NR3C2: variants seen among roughly 807,000 people sequenced by gnomAD.
NR3C2 encodes mineralocorticoid receptor.
NR3C2 carries 15 observed loss-of-function variants against 86.4 expected under a neutral mutation model. The observed-to-expected ratio is 0.17, with a 90% CI of 0.12 to 0.27. NR3C2 has a LOEUF of 0.27. Ranked by LOEUF, NR3C2 falls within the 10% of genes least tolerant of loss-of-function variation. The pLI, the probability that NR3C2 is intolerant of heterozygous loss-of-function variation, is 1.00. For missense variants in NR3C2, 960 were observed against 1,195.6 expected (o/e 0.80, Z 2.91); for synonymous variants, 458 against 450.5 (o/e 1.02, Z -0.21).
At chr4:148,100,778 C>A (rs1731500652) in intron 8 of NR3C2, among the ~76,000 whole-genome samples, 1 of 152,224 alleles carries the variant, frequency 6.6e-6, no homozygotes, top group South Asian at 2.1e-4. Context: ...ATGTTCATAG[C>A]AGCACTATTC....
chr4:148,362,617 A>C (rs1337350765), intron 2 of NR3C2, among the ~76,000 whole-genome samples: 1 of 152,138 alleles, frequency 6.6e-6, no homozygotes, highest in African/African-American at 2.4e-5. Flanking sequence ...AGTTATAGGG[A>C]CTGTGTGCCG....
chr4:148,081,063 G>GAGTT lies in NR3C2; in HGVS notation c.*277_*280dup, dbSNP rs1578858854. On this transcript the variant is annotated 3_prime_UTR_variant, in exon 9 of 9. Coordinates refer to ENST00000358102, the MANE Select transcript of NR3C2 (RefSeq NM_000901.5). ...TCCATCTGTGAAAATATCAAAATCAGAGTTATTGACTAGATATGGCTTTTC... is the reference window on the plus strand; with the variant it reads ...TCCATCTGTGAAAATATCAAAATCAGAGTTAGTTATTGACTAGATATGGCTTTTC... 2 of 458,058 alleles carry GAGTT rather than the reference G, an allele frequency of 4.4e-6. No individual in the cohort carries two copies. Among genetic ancestry groups the GAGTT allele is most frequent in the South Asian group, 2.1e-5 (1 of 46,738 alleles). 28.4% of individuals were successfully genotyped at this position (458,058 alleles called of 1,614,324 possible). A position where few individuals can be genotyped will look rare whatever the true frequency, so the allele number is the denominator to read the frequency against.
intron 7 of NR3C2, among the ~76,000 whole-genome samples, chr4:148,118,389 C>T (rs1382045108): frequency 6.6e-6 from 1 of 152,126 alleles, no homozygotes; most frequent in Non-Finnish European, 1.5e-5. Flanking sequence ...ACTCTCACCT[C>T]GTGGCTTCCA....
intron 2 of NR3C2, among the ~76,000 whole-genome samples, chr4:148,285,538 C>T (rs1741476173): frequency 6.6e-6 from 1 of 152,092 alleles, no homozygotes; most frequent in East Asian, 1.9e-4. Flanking sequence ...GAAACCCCAT[C>T]TCTACTAAAA....
intron 2 of NR3C2, among the ~76,000 whole-genome samples, chr4:148,426,802 T>C (rs1212257435): frequency 2.6e-5 from 4 of 152,070 alleles, no homozygotes; most frequent in Non-Finnish European, 5.9e-5. Flanking sequence ...CAATTGCAAT[T>C]TCTATGAAGA....
intron 2 of NR3C2, among the ~76,000 whole-genome samples, chr4:148,366,305 A>G (rs1232762122): frequency 6.6e-6 from 1 of 152,010 alleles, no homozygotes; most frequent in Admixed American, 6.6e-5. Context: ...CCTTCCCTCC[A>G]AGAATGTTGT....
chr4:148,089,503 C>A (rs1345221125), intron 8 of NR3C2, among the ~76,000 whole-genome samples: 1 of 152,210 alleles, frequency 6.6e-6, no homozygotes, highest in African/African-American at 2.4e-5. Flanking sequence ...ACTGCTGGAG[C>A]AAGAGCGCTT....
upstream of NR3C2, chr4:148,444,512 G>T (rs1252594364): frequency 6.1e-6 from 6 of 985,740 alleles, no homozygotes; most frequent in Non-Finnish European, 7.2e-6. Flanking sequence ...CAAAGTGACT[G>T]TCGCTGCACT....
intron 2 of NR3C2, among the ~76,000 whole-genome samples, chr4:148,431,960 G>A (rs888844788): frequency 3.3e-5 from 5 of 151,634 alleles, no homozygotes; most frequent in Non-Finnish European, 7.4e-5. Flanking sequence ...TATTGCTACT[G>A]TATTGGAAAT....
At chr4:148,265,352 G>C (rs1389584530) in intron 2 of NR3C2, among the ~76,000 whole-genome samples, 3 of 152,072 alleles carry the variant, frequency 2.0e-5, no homozygotes, top group African/African-American at 7.2e-5. Context: ...TTGCCCAAAA[G>C]AATGGTGCTT....
intron 2 of NR3C2, among the ~76,000 whole-genome samples, chr4:148,345,730 C>T (rs890224535): frequency 1.3e-5 from 2 of 151,400 alleles, no homozygotes; most frequent in Non-Finnish European, 2.9e-5. Context: ...AACCTGAGGA[C>T]TTTAATACTG....
intron 2 of NR3C2, among the ~76,000 whole-genome samples, chr4:148,348,587 C>T (rs1478509646): frequency 1.3e-5 from 2 of 152,090 alleles, no homozygotes; most frequent in East Asian, 1.9e-4. Context: ...TGTAATTACA[C>T]CTTCCCAGGG....
intron 8 of NR3C2, among the ~76,000 whole-genome samples, chr4:148,104,636 G>A (rs1731712052): frequency 6.6e-6 from 1 of 152,282 alleles, no homozygotes; most frequent in African/African-American, 2.4e-5. Flanking sequence ...AGACATAGAA[G>A]CAAGTAGCCT....
upstream of NR3C2, among the ~76,000 whole-genome samples, chr4:148,443,154 G>A (rs1229326814): frequency 7.9e-6 from 1 of 126,204 alleles, no homozygotes; most frequent in Admixed American, 1.0e-4. Flanking sequence ...TTTGAATTTA[G>A]TTGTTTTAAC....
At chr4:148,366,391 G>C (rs965554713) in intron 2 of NR3C2, among the ~76,000 whole-genome samples, 1 of 1,582 alleles carries the variant, frequency 6.3e-4, no homozygotes, top group African/African-American at 4.1e-3. Context: ...CCCCATGTCA[G>C]GAGACTTCAA....
At chr4:148,093,376 C>T (rs1453702065) in intron 8 of NR3C2, among the ~76,000 whole-genome samples, 2 of 152,196 alleles carry the variant, frequency 1.3e-5, no homozygotes, top group African/African-American at 2.4e-5. Flanking sequence ...GGGGCCACTG[C>T]TGCTGTTCTG....
At chr4:148,105,509 C>T (rs1731754320) in intron 8 of NR3C2, among the ~76,000 whole-genome samples, 1 of 152,166 alleles carries the variant, frequency 6.6e-6, no homozygotes, top group African/African-American at 2.4e-5. Context: ...AGAGGGAATC[C>T]TCTGTAACTC....
At chr4:148,093,717 G>A in intron 8 of NR3C2, among the ~76,000 whole-genome samples, 1 of 152,164 alleles carries the variant, frequency 6.6e-6, no homozygotes, top group Middle Eastern at 3.2e-3. Flanking sequence ...TCCAGAAATA[G>A]CCTTGTGAAT....
chr4:148,220,700 G>A (rs564206693), intron 3 of NR3C2, among the ~76,000 whole-genome samples: 6 of 152,298 alleles, frequency 3.9e-5, no homozygotes, highest in South Asian at 2.1e-4. Context: ...GGAAACTGAG[G>A]GGGGAGGATG....
Sources: allele counts gnomAD v4.1 joint callset (sites outside exome capture counted in the v4.1 genomes callset), GRCh38; gene constraint gnomAD v4.1.1; transcripts MANE v1.5; gene names NCBI Gene and HGNC (gene_info 2026-07-23, HGNC 2026-07-21).